PTPRD: variants seen among roughly 807,000 people sequenced by gnomAD.
PTPRD encodes the protein receptor-type tyrosine-protein phosphatase delta.
In PTPRD, 34 loss-of-function variants were observed where a neutral mutation model predicts 214.5. The ratio of observed to expected loss-of-function variants is 0.16; its 90% CI spans 0.12 to 0.21. PTPRD has a LOEUF of 0.21. Ranked by LOEUF, PTPRD falls within the 10% of genes least tolerant of loss-of-function variation. The pLI is 1.00. For synonymous variants in PTPRD, 1,128 were observed against 845.7 expected, an observed-to-expected ratio of 1.33 and a Z score of -5.79; for missense variants, 2,545 against 2,398.7, an observed-to-expected ratio of 1.06 and a Z score of -1.27.
chr9:10,611,038 T>C (rs1203912029), intron 2 of PTPRD, among the ~76,000 whole-genome samples: 1 of 152,176 alleles, frequency 6.6e-6, no homozygotes, highest in Non-Finnish European at 1.5e-5. Context: ...AGCCCTTAGG[T>C]ATAATTAATA....
intron 7 of PTPRD, among the ~76,000 whole-genome samples, chr9:9,604,977 G>A (rs1369762935): frequency 2.0e-5 from 3 of 151,748 alleles, no homozygotes; most frequent in African/African-American, 7.3e-5. Flanking sequence ...AAATCTAATG[G>A]GCCAGAGCTT....
intron 3 of PTPRD, among the ~76,000 whole-genome samples, chr9:10,300,180 G>T (rs766509443): frequency 9.9e-5 from 15 of 152,128 alleles, no homozygotes; most frequent in African/African-American, 3.6e-4. Context: ...TAAAATTCAC[G>T]TAGTATAGTT....
chr9:8,775,167 T>C (rs1393899108), intron 11 of PTPRD, among the ~76,000 whole-genome samples: 1 of 152,188 alleles, frequency 6.6e-6, no homozygotes, highest in Non-Finnish European at 1.5e-5. Context: ...CATTAAAAAA[T>C]GTCTCATACG....
chr9:9,378,078 A>G (rs1271189012), intron 9 of PTPRD, among the ~76,000 whole-genome samples: 1 of 152,058 alleles, frequency 6.6e-6, no homozygotes, highest in African/African-American at 2.4e-5. Flanking sequence ...CCATTAAAAC[A>G]TCGTTATCCA....
Position 8,678,027 on chromosome 9 carries a change from C to A in PTPRD, c.65-41183G>T, listed in dbSNP as rs189670215. 3.8e-3 allele frequency among the ~76,000 whole-genome samples: 574 copies of A among 152,238 alleles called. 3 individuals carry two copies. Among genetic ancestry groups the A allele is most frequent in the African/African-American group, 0.013 (543 of 41,530 alleles). On this transcript the variant is annotated intron_variant, in intron 12 of 45. Coordinates refer to ENST00000381196, the MANE Select transcript of PTPRD (RefSeq NM_002839.4). ...TCTCTCCTGCTATCTCTGCTGACAG[C>A]TTCTCTGTGTGACAGCTTGGAATCC...
At chr9:9,512,691 C>T (rs915329325) in intron 8 of PTPRD, among the ~76,000 whole-genome samples, 5 of 151,638 alleles carry the variant, frequency 3.3e-5, no homozygotes, top group South Asian at 4.1e-4. Flanking sequence ...ACATGAGTTT[C>T]TTTTGTTCCT....
At chr9:10,583,898 C>G (rs745597788) in intron 2 of PTPRD, among the ~76,000 whole-genome samples, 2 of 152,140 alleles carry the variant, frequency 1.3e-5, no homozygotes, top group Non-Finnish European at 2.9e-5. Context: ...GAGTTAATGT[C>G]TAGAAACCTC....
intron 4 of PTPRD, among the ~76,000 whole-genome samples, chr9:9,959,634 A>G (rs2094207503): frequency 6.6e-6 from 1 of 152,212 alleles, no homozygotes; most frequent in African/African-American, 2.4e-5. Flanking sequence ...CTTTGAAAAT[A>G]AGTCAAGTCT....
rs183486181 is a variant in PTPRD, at chr9:9,947,521, A to T, written c.-471-8911T>A. Among the ~76,000 whole-genome samples the T allele has an allele frequency of 0.021, 501 of 23,618 alleles. 12 individuals carry two copies. The East Asian group carries it at 0.24, about 11-fold the overall frequency. The allele number at this position is 23,618 out of a possible 152,430, so 15.5% of individuals were successfully genotyped here. A position where few individuals can be genotyped will look rare whatever the true frequency, so the allele number is the denominator to read the frequency against. ...TATATTTTATATATATAATATATAT[A>T]TTATATATATTTTATATATAATATA... On this transcript the variant is annotated intron_variant, in intron 4 of 45. Transcript: ENST00000381196.
At chr9:10,308,467 T>A (rs2096159771) in intron 3 of PTPRD, among the ~76,000 whole-genome samples, 1 of 152,114 alleles carries the variant, frequency 6.6e-6, no homozygotes, top group Admixed American at 6.6e-5. Context: ...TACTGTAGCT[T>A]TGTAGTATAT....
chr9:10,555,357 A>T (rs903989584), intron 2 of PTPRD, among the ~76,000 whole-genome samples: 1 of 152,236 alleles, frequency 6.6e-6, no homozygotes, highest in Non-Finnish European at 1.5e-5. Flanking sequence ...ATATACCTAA[A>T]AAATGGTTAT....
At chr9:9,465,901 G>A (rs1325997214) in intron 8 of PTPRD, among the ~76,000 whole-genome samples, 3 of 151,926 alleles carry the variant, frequency 2.0e-5, no homozygotes, top group East Asian at 3.9e-4. Context: ...CACCCAATCG[G>A]CCACAACCAT....
At chr9:10,132,907 G>C (rs113773596) in intron 3 of PTPRD, among the ~76,000 whole-genome samples, 202 of 152,230 alleles carry the variant, frequency 1.3e-3, no homozygotes, top group Middle Eastern at 3.4e-3. Context: ...ACTTTGGCCT[G>C]TATGGCCAAT....
intron 10 of PTPRD, among the ~76,000 whole-genome samples, chr9:9,070,181 G>T (rs2099741724): frequency 6.6e-6 from 1 of 152,144 alleles, no homozygotes; most frequent in African/African-American, 2.4e-5. Flanking sequence ...CTGTCTTGGT[G>T]TCACTTGATT....
At chr9:8,788,859 A>C (rs2096106451) in intron 11 of PTPRD, among the ~76,000 whole-genome samples, 1 of 152,200 alleles carries the variant, frequency 6.6e-6, no homozygotes, top group Non-Finnish European at 1.5e-5. Flanking sequence ...AGTTCATGGA[A>C]ATTTAATCCA....
intron 9 of PTPRD, among the ~76,000 whole-genome samples, chr9:9,347,637 A>C (rs554010941): frequency 6.6e-6 from 1 of 152,242 alleles, no homozygotes; most frequent in Non-Finnish European, 1.5e-5. Flanking sequence ...TTGCTAGAAG[A>C]ATATGGCTAT....
intron 2 of PTPRD, among the ~76,000 whole-genome samples, chr9:10,400,509 G>T (rs948478319): frequency 6.6e-6 from 1 of 151,520 alleles, no homozygotes; most frequent in African/African-American, 2.4e-5. Flanking sequence ...ACTTTAAAAT[G>T]CATTCACTGG....
chr9:8,554,992 T>C (rs572351196), intron 14 of PTPRD, among the ~76,000 whole-genome samples: 93 of 120,346 alleles, frequency 7.7e-4, no homozygotes, highest in African/African-American at 6.3e-3. Context: ...ATATACACTA[T>C]ATATATAAAA....
intron 3 of PTPRD, among the ~76,000 whole-genome samples, chr9:10,204,461 G>A (rs2099456077): frequency 6.6e-6 from 1 of 152,034 alleles, no homozygotes; most frequent in African/African-American, 2.4e-5. Flanking sequence ...ATTCATGGCT[G>A]TTTCCAGTGA....
Sources: allele counts gnomAD v4.1 joint callset (sites outside exome capture counted in the v4.1 genomes callset), GRCh38; gene constraint gnomAD v4.1.1; transcripts MANE v1.5; gene names NCBI Gene and HGNC (gene_info 2026-07-23, HGNC 2026-07-21).